The following GAS5 variants were observed in gnomAD, a reference collection of about 807,000 sequenced individuals.
The protein encoded by GAS5 is growth arrest specific 5.
At chr1:173,867,243 G>A, upstream of GAS5, 1 of 524,960 alleles carries the variant, frequency 1.9e-6, no homozygotes, top group Non-Finnish European at 3.3e-6. Context: ...TGGCGGCCGG[G>A]CGCGGTGGCT....
chr1:173,864,676 T>A, intron 6 of GAS5: 2 of 417,084 alleles, frequency 4.8e-6, no homozygotes, highest in South Asian at 3.4e-5. Context: ...TAAACTAACC[T>A]GCATTTCTTC....
intron 6 of GAS5, chr1:173,864,387 GA>G (rs757800079): frequency 3.9e-6 from 2 of 519,000 alleles, no homozygotes; most frequent in South Asian, 2.8e-5. Flanking sequence ...AATCAAAATG[GA>G]ACGGTTTTAC....
intron 6 of GAS5, chr1:173,864,880 G>T (rs1169857563): frequency 1.9e-6 from 1 of 519,144 alleles, no homozygotes; most frequent in East Asian, 5.4e-5. Flanking sequence ...GCGTTAGTCT[G>T]CTGAACTATG....
At chr1:173,865,257 A>T (rs143139379) in intron 6 of GAS5, 1 of 376,478 alleles carries the variant, frequency 2.7e-6, no homozygotes, top group Non-Finnish European at 5.2e-6. Flanking sequence ...TGCTCCACAC[A>T]GTGTAGTCAA....
chr1:173,867,262 G>C (rs369840388), upstream of GAS5: 1 of 512,010 alleles, frequency 2.0e-6, no homozygotes. Context: ...CTCACGGCTT[G>C]TAATCCCAGT....
At chr1:173,865,906 G>GA in intron 4 of GAS5, 2 of 519,082 alleles carry the variant, frequency 3.9e-6, no homozygotes, top group South Asian at 2.8e-5. Flanking sequence ...TAAGAAATAA[G>GA]AGTGGTCTTA....
chr1:173,867,109 T>TA (rs144869587), upstream of GAS5: 129,672 of 610,794 alleles, frequency 0.21, 14,951 homozygotes, highest in Middle Eastern at 0.33. Context: ...GAGTGTTCTT[T>TA]AAAAAAACGG....
rs766414803 is a variant in GAS5 at position 173,866,607 on chromosome 1, CTA to C, written n.92-42_92-41del. ...CTTCATGTGAACTTAGGTGTACTCT[CTA>C]TGTTCCCCAACTCACCATTTTGGGT... is the stretch of plus-strand genomic sequence containing the variant. On this transcript the variant is annotated intron_variant and non_coding_transcript_variant, in intron 2 of 7. Transcript: ENST00000651080. 72 of 763,718 alleles carry C rather than the reference CTA, an allele frequency of 9.4e-5. 1 individual carries two copies. The Middle Eastern group carries it at 2.5e-3, about 26-fold the overall frequency. 47.3% of individuals were successfully genotyped at this position (763,718 alleles called of 1,614,324 possible).
chr1:173,866,962 C>A (rs371771507), intron 1 of GAS5: 4 of 765,506 alleles, frequency 5.2e-6, no homozygotes, highest in Non-Finnish European at 9.6e-6. Flanking sequence ...AGATTTCATT[C>A]TTCCCACCAT....
intron 6 of GAS5, chr1:173,865,058 G>A: frequency 2.8e-6 from 1 of 360,762 alleles, no homozygotes; most frequent in Non-Finnish European, 5.4e-6. Flanking sequence ...AATTAGCCAG[G>A]CATGGTGTCA....
At chr1:173,865,812 T>A (rs1308963919) in intron 5 of GAS5, 12 of 513,202 alleles carry the variant, frequency 2.3e-5, no homozygotes, top group Admixed American at 6.0e-5. Context: ...CATATCACCA[T>A]CAGCATTTTC....
chr1:173,865,781 A>G (rs1293536130), intron 5 of GAS5: 4 of 518,022 alleles, frequency 7.7e-6, no homozygotes, highest in Admixed American at 1.9e-5. Flanking sequence ...CCAAGCCTTA[A>G]GCCATTAGCT....
intron 2 of GAS5, chr1:173,866,596 AG>A (rs1557873121): frequency 3.9e-6 from 3 of 763,102 alleles, no homozygotes; most frequent in Non-Finnish European, 7.2e-6. Flanking sequence ...ATGTGAACTT[AG>A]GTGTACTCTC....
chr1:173,868,843 C>A (rs1655263332), upstream of GAS5: 1 of 153,068 alleles, frequency 6.5e-6, no homozygotes, highest in African/African-American at 2.4e-5. Context: ...TTCCCCTCTC[C>A]CCAGGCTTCC....
intron 7 of GAS5, chr1:173,864,156 GAT>G (rs769349226): frequency 3.9e-6 from 2 of 517,786 alleles, no homozygotes. Flanking sequence ...CAGAATATCA[GAT>G]ATTTTATTGT....
rs991121796 is a variant in GAS5, at chr1:173,864,990, G to A, written n.276+481C>T. ...TCCCAGCACTTTGGGAGGTCAGTGC[G>A]GGCAGTATCACTTGAGGTCAAGAGT... is the stretch of plus-strand genomic sequence containing the variant. On this transcript the variant is annotated intron_variant and non_coding_transcript_variant, in intron 6 of 7. Coordinates refer to ENST00000651080, the Ensembl canonical transcript of GAS5. 11 of 486,314 alleles carry A rather than the reference G, an allele frequency of 2.3e-5. No individual in the cohort carries two copies. In the East Asian group the frequency reaches 3.9e-4, roughly 17 times the overall value. The allele number at this position is 486,314 out of a possible 1,614,324, so 30.1% of individuals were successfully genotyped here. A position where few individuals can be genotyped will look rare whatever the true frequency, so the allele number is the denominator to read the frequency against.
upstream of GAS5, chr1:173,867,630 G>C (rs751979038): frequency 7.7e-6 from 4 of 518,828 alleles, no homozygotes; most frequent in Admixed American, 5.8e-5. Context: ...GGAGGCTCGG[G>C]TCACGGCCCT....
chr1:173,866,255 T>C lies in GAS5; in HGVS notation n.132-49A>G, dbSNP rs1654598703. ...CAGCAAAAAATATTTTAATGGTAGA[T>C]TGGTGGTACACTGCTTAACCATTAA... On this transcript the variant is annotated intron_variant and non_coding_transcript_variant, in intron 3 of 7. Transcript: ENST00000651080. 3 of 492,994 alleles carry C rather than the reference T, an allele frequency of 6.1e-6. No individual in the cohort carries two copies. In the Admixed American group the frequency reaches 6.4e-5, roughly 10 times the overall value. The allele number at this position is 492,994 out of a possible 1,614,324, so 30.5% of individuals were successfully genotyped here.
At chr1:173,864,787 T>G (rs779248935) in intron 6 of GAS5, 1 of 518,190 alleles carries the variant, frequency 1.9e-6, no homozygotes, top group South Asian at 1.4e-5. Context: ...ATAGAATGGC[T>G]ATATTCCCCT....
Sources: gnomAD v4.1 joint callset for allele counts on GRCh38, gnomAD v4.1.1 for gene constraint, MANE v1.5 for transcripts, NCBI Gene and HGNC (gene_info 2026-07-23, HGNC 2026-07-21) for gene names.